GALNT13: variants seen among roughly 807,000 people sequenced by gnomAD.
The protein encoded by GALNT13 is polypeptide N-acetylgalactosaminyltransferase 13.
GALNT13 carries 28 observed loss-of-function variants against 64.2 expected under a neutral mutation model. That is an observed-to-expected ratio of 0.44 (90% CI 0.32 to 0.60). The LOEUF (loss-of-function observed/expected upper bound fraction) is 0.60. Among genes scored for constraint, GALNT13 ranks in the 20% least tolerant of loss-of-function variants. The probability of loss-of-function intolerance (pLI) is 0.05; values close to 1 mark genes in which losing one functional copy is unlikely to be tolerated. For synonymous variants in GALNT13, 214 were observed against 224.6 expected (o/e 0.95, Z 0.42); for missense variants, 577 against 669.8 (o/e 0.86, Z 1.53).
the GALNT13 span, among the ~76,000 whole-genome samples, chr2:153,571,035 G>T: frequency 1.3e-5 from 2 of 151,724 alleles, no homozygotes; most frequent in African/African-American, 4.8e-5. Flanking sequence ...TGAATTTGTA[G>T]ATTGCCTTGG....
At chr2:153,169,546 G>T in the GALNT13 span, among the ~76,000 whole-genome samples, 2 of 152,246 alleles carry the variant, frequency 1.3e-5, no homozygotes, top group East Asian at 3.9e-4. Flanking sequence ...TAAGCCTGGG[G>T]GTACTGCATG....
the GALNT13 span, among the ~76,000 whole-genome samples, chr2:153,390,366 TG>T: frequency 1.3e-5 from 2 of 152,016 alleles, no homozygotes; most frequent in African/African-American, 4.8e-5. Context: ...ATGCAGGTGA[TG>T]GGTTGATGGG....
the GALNT13 span, among the ~76,000 whole-genome samples, chr2:153,710,282 C>T: frequency 1.3e-5 from 2 of 151,926 alleles, no homozygotes; most frequent in Non-Finnish European, 2.9e-5. Flanking sequence ...ATAAAGTAAG[C>T]TGAGAACTTT....
the GALNT13 span, among the ~76,000 whole-genome samples, chr2:153,706,380 T>A: frequency 0.16 from 24,700 of 152,154 alleles, 3,573 homozygotes; most frequent in African/African-American, 0.38. Context: ...GTGAGGAATG[T>A]CCTTTAAAAA....
intron 3 of GALNT13, among the ~76,000 whole-genome samples, chr2:153,950,286 GA>G (rs1329425607): frequency 1.3e-5 from 2 of 151,534 alleles, no homozygotes. Context: ...TAACCCAATA[GA>G]AAAAAATGGG....
At chr2:153,293,777 G>C in the GALNT13 span, among the ~76,000 whole-genome samples, 1 of 50,102 alleles carries the variant, frequency 2.0e-5, no homozygotes, top group Non-Finnish European at 5.3e-5. Flanking sequence ...GTGTGTGTGT[G>C]TGTGTGTGTG....
chr2:153,535,591 G>A, the GALNT13 span, among the ~76,000 whole-genome samples: 2 of 152,214 alleles, frequency 1.3e-5, no homozygotes, highest in Admixed American at 6.5e-5. Flanking sequence ...ATAAAAAGGA[G>A]CATCTATATA....
At chr2:153,884,385 A>G (rs1002684028) in intron 1 of GALNT13, among the ~76,000 whole-genome samples, 1 of 151,986 alleles carries the variant, frequency 6.6e-6, no homozygotes, top group African/African-American at 2.4e-5. Context: ...TGGGATTTAA[A>G]GATTCCATTG....
chr2:153,109,344 G>A, the GALNT13 span, among the ~76,000 whole-genome samples: 1 of 152,184 alleles, frequency 6.6e-6, no homozygotes, highest in Admixed American at 6.6e-5. Context: ...GTATTTTGTG[G>A]GCTCCAAGCA....
the GALNT13 span, among the ~76,000 whole-genome samples, chr2:153,243,073 C>T: frequency 6.6e-6 from 1 of 152,130 alleles, no homozygotes; most frequent in Non-Finnish European, 1.5e-5. Flanking sequence ...ATATTTGACT[C>T]TTCACATGCT....
the GALNT13 span, among the ~76,000 whole-genome samples, chr2:153,674,721 G>T: frequency 2.0e-5 from 3 of 152,130 alleles, no homozygotes; most frequent in Non-Finnish European, 4.4e-5. Context: ...AAACTAAAGA[G>T]CTTCTGCACA....
intron 9 of GALNT13, among the ~76,000 whole-genome samples, chr2:154,387,187 T>C (rs1004365050): frequency 2.0e-5 from 3 of 152,040 alleles, no homozygotes; most frequent in Non-Finnish European, 2.9e-5. Context: ...AGGGAATAGA[T>C]AAAAAGGTAG....
At chr2:153,552,550 G>T in the GALNT13 span, among the ~76,000 whole-genome samples, 1 of 149,768 alleles carries the variant, frequency 6.7e-6, no homozygotes, top group East Asian at 2.0e-4. Flanking sequence ...GACTGGTGAA[G>T]GTTGTCTTCT....
At chr2:154,080,112 C>T (rs1701195788) in intron 3 of GALNT13, among the ~76,000 whole-genome samples, 1 of 151,528 alleles carries the variant, frequency 6.6e-6, no homozygotes, top group African/African-American at 2.4e-5. Context: ...GTTGAAGATA[C>T]GTGCGTGTGT....
intron 3 of GALNT13, among the ~76,000 whole-genome samples, chr2:154,056,016 A>G (rs1316596761): frequency 6.6e-6 from 1 of 152,150 alleles, no homozygotes; most frequent in African/African-American, 2.4e-5. Context: ...ATTCTGTGAC[A>G]GGCTTTTCTT....
At chr2:153,492,976 C>T in the GALNT13 span, among the ~76,000 whole-genome samples, 1 of 151,816 alleles carries the variant, frequency 6.6e-6, no homozygotes, top group Non-Finnish European at 1.5e-5. Context: ...AAATTAAATG[C>T]TCAAACTGAA....
rs564125380 is a variant in GALNT13 at position 154,211,129 on chromosome 2, A to G, written c.312-30901A>G. Among the ~76,000 whole-genome samples, 8 of 152,208 alleles carry G rather than the reference A, an allele frequency of 5.3e-5. No individual in the cohort carries two copies. In the South Asian group the frequency reaches 1.5e-3, roughly 28 times the overall value. ...CAACATCTACACTCATGCATTGCTT[A>G]ACAGTGGGAAATGTGTCCTTAGGTT... is the stretch of plus-strand genomic sequence containing the variant. On this transcript the variant is annotated intron_variant, in intron 4 of 12. Coordinates refer to ENST00000392825, the MANE Select transcript of GALNT13 (RefSeq NM_052917.4).
At chr2:153,239,353 C>T in the GALNT13 span, among the ~76,000 whole-genome samples, 1 of 152,206 alleles carries the variant, frequency 6.6e-6, no homozygotes, top group Non-Finnish European at 1.5e-5. Flanking sequence ...ATTGCTTTAG[C>T]TAGGACTTTC....
the GALNT13 span, among the ~76,000 whole-genome samples, chr2:153,350,160 C>T: frequency 6.6e-6 from 1 of 152,000 alleles, no homozygotes; most frequent in African/African-American, 2.4e-5. Context: ...TCCATTATTA[C>T]CACGCATTTC....
Sources: allele counts gnomAD v4.1 joint callset (sites outside exome capture counted in the v4.1 genomes callset), GRCh38; gene constraint gnomAD v4.1.1; transcripts MANE v1.5; gene names NCBI Gene and HGNC (gene_info 2026-07-23, HGNC 2026-07-21).